Variants in ACER3 observed in about 807,000 individuals in gnomAD.
ACER3 encodes the protein alkCDase 3.
In ACER3, 16 loss-of-function variants were observed where a neutral mutation model predicts 48.9. That is an observed-to-expected ratio of 0.33 (90% CI 0.22 to 0.50). The LOEUF is 0.50. Among genes scored for constraint, ACER3 ranks in the 20% least tolerant of loss-of-function variants. ACER3 has a pLI of 0.98. For missense variants in ACER3, 227 were observed against 326.0 expected (o/e 0.70, Z 2.34); for synonymous variants, 109 against 107.8 (o/e 1.01, Z -0.07).
At chr11:76,985,879 C>T (rs778417055) in intron 5 of ACER3, among the ~76,000 whole-genome samples, 155 bp downstream of exon 5, 4 of 152,138 alleles carry the variant, frequency 2.6e-5, no homozygotes, top group Non-Finnish European at 4.4e-5. Context: ...CTCCCTTGTT[C>T]TCTGTTCAAA....
chr11:76,993,162 C>T (rs1034271180), intron 6 of ACER3, among the ~76,000 whole-genome samples: 3 of 152,112 alleles, frequency 2.0e-5, no homozygotes, highest in African/African-American at 7.2e-5. Context: ...AGGTGTGAGC[C>T]ACTGTGCCCA....
intron 2 of ACER3, among the ~76,000 whole-genome samples, chr11:76,937,710 G>A (rs780009199): frequency 2.0e-5 from 3 of 152,068 alleles, no homozygotes; most frequent in African/African-American, 4.8e-5. Context: ...TGCAGGGGGT[G>A]GATAGAAATG....
chr11:76,881,254 CAA>C (rs5792745), intron 1 of ACER3, among the ~76,000 whole-genome samples: 262 of 116,466 alleles, frequency 2.2e-3, no homozygotes, highest in Middle Eastern at 4.2e-3. Flanking sequence ...GATAATGTCT[CAA>C]AAAAAAAAAA....
rs1231875482 is a variant in ACER3 at position 76,935,896 on chromosome 11, G to A, written c.214+9229G>A. 2.0e-5 allele frequency among the ~76,000 whole-genome samples: 3 copies of A among 152,156 alleles called. No homozygotes were observed. In the East Asian group the frequency reaches 5.8e-4, roughly 29 times the overall value. On this transcript the variant is annotated intron_variant, in intron 2 of 10. Coordinates refer to ENST00000532485, the MANE Select transcript of ACER3 (RefSeq NM_018367.7). ...TACTATATTGGGCAGTGCAGATATAGAACATCTTCATTACTGCAGAAAGTT... is the reference window on the plus strand; with the variant it reads ...TACTATATTGGGCAGTGCAGATATAAAACATCTTCATTACTGCAGAAAGTT...
chr11:76,932,046 G>A (rs988361057), intron 2 of ACER3, among the ~76,000 whole-genome samples: 59 of 150,040 alleles, frequency 3.9e-4, no homozygotes, highest in African/African-American at 1.4e-3. Flanking sequence ...CCTCCCAGGT[G>A]CAAGCGATCC....
intron 2 of ACER3, among the ~76,000 whole-genome samples, chr11:76,941,012 A>AAC (rs370121849): frequency 0.26 from 38,378 of 146,120 alleles, 5,241 homozygotes; most frequent in Admixed American, 0.41. Context: ...TGTGTGTATA[A>AAC]ACACACACAC....
chr11:76,937,077 T>G (rs10751267), intron 2 of ACER3, among the ~76,000 whole-genome samples: 86,836 of 151,990 alleles, frequency 0.57, 28,010 homozygotes, highest in Non-Finnish European at 0.74. Flanking sequence ...CGTGGTCAAA[T>G]ACAGAAAATT....
chr11:76,988,365 G>A (rs1215360196), intron 5 of ACER3, among the ~76,000 whole-genome samples: 1 of 152,182 alleles, frequency 6.6e-6, no homozygotes, highest in Non-Finnish European at 1.5e-5. Context: ...ACCCAAGACT[G>A]GGTAATTTAT....
At chr11:76,913,356 T>G (rs542551911) in intron 1 of ACER3, among the ~76,000 whole-genome samples, 34 of 152,274 alleles carry the variant, frequency 2.2e-4, no homozygotes, top group African/African-American at 7.7e-4. Flanking sequence ...TTGAATACCC[T>G]TTATTTCTTT....
chr11:76,922,884 A>G (rs1424449286), intron 1 of ACER3, among the ~76,000 whole-genome samples: 3 of 152,176 alleles, frequency 2.0e-5, no homozygotes, highest in Non-Finnish European at 2.9e-5. Flanking sequence ...AGTACCTGGT[A>G]CTTAATAGGC....
chr11:76,886,613 T>C (rs1945678197), intron 1 of ACER3, among the ~76,000 whole-genome samples: 1 of 152,132 alleles, frequency 6.6e-6, no homozygotes. Flanking sequence ...TGATGAAGAA[T>C]GAGAATGGAA....
chr11:76,990,491 C>G (rs758268163), intron 5 of ACER3, 48 bp from the exon 6 acceptor site: 33 of 1,350,588 alleles, frequency 2.4e-5, no homozygotes, highest in Non-Finnish European at 3.4e-5. Context: ...GTTTTTCCCC[C>G]CTTCATAATG....
chr11:76,866,119 C>T (rs1267697744), intron 1 of ACER3, among the ~76,000 whole-genome samples: 1 of 152,022 alleles, frequency 6.6e-6, no homozygotes, highest in Non-Finnish European at 1.5e-5. Context: ...AGCCACTGCA[C>T]CCAGCCCCTC....
chr11:77,013,390 A>G (rs1949306889), intron 7 of ACER3, among the ~76,000 whole-genome samples: 1 of 152,210 alleles, frequency 6.6e-6, no homozygotes, highest in Non-Finnish European at 1.5e-5. Context: ...TAAAATATAG[A>G]AAGAATTCTT....
intron 2 of ACER3, among the ~76,000 whole-genome samples, chr11:76,940,527 G>C (rs1947309982): frequency 6.6e-6 from 1 of 152,124 alleles, no homozygotes; most frequent in Non-Finnish European, 1.5e-5. Context: ...AGTATGTATA[G>C]TCTATAGTAT....
intron 7 of ACER3, among the ~76,000 whole-genome samples, chr11:77,008,121 A>G (rs1949191751): frequency 6.6e-6 from 1 of 152,182 alleles, no homozygotes; most frequent in South Asian, 2.1e-4. Flanking sequence ...ATCATTTCTC[A>G]GGTCCCAAAA....
At chr11:76,991,271 C>G (rs956596105) in intron 6 of ACER3, among the ~76,000 whole-genome samples, 9 of 152,282 alleles carry the variant, frequency 5.9e-5, no homozygotes, top group African/African-American at 2.2e-4. Flanking sequence ...GACTCCTTTT[C>G]ACCATTCTTT....
At chr11:76,992,381 T>A (rs11237052) in intron 6 of ACER3, among the ~76,000 whole-genome samples, 108,085 of 152,062 alleles carry the variant, frequency 0.71, 38,821 homozygotes, top group Non-Finnish European at 0.77. Flanking sequence ...TTTTTCATTT[T>A]GTGCTTTAGA....
chr11:76,957,416 A>C (rs926630481), intron 2 of ACER3: 1 of 448,992 alleles, frequency 2.2e-6, no homozygotes, highest in Non-Finnish European at 4.5e-6. Flanking sequence ...ACATATATAC[A>C]TGAAGTTTAA....
Sources: gnomAD v4.1 joint callset for allele counts (sites outside exome capture counted in the v4.1 genomes callset) on GRCh38, gnomAD v4.1.1 for gene constraint, MANE v1.5 for transcripts, NCBI Gene and HGNC (gene_info 2026-07-23, HGNC 2026-07-21) for gene names.